The following SORBS2 variants were observed in gnomAD, a reference collection of about 807,000 sequenced individuals.
SORBS2 encodes the protein sorbin and SH3 domain containing 2, also known as sorbin and SH3 domain-containing protein 2.
Under a neutral mutation model 97.7 loss-of-function variants are expected in SORBS2, and 46 were observed. The ratio of observed to expected loss-of-function variants is 0.47; its 90% CI spans 0.37 to 0.60. SORBS2 has a LOEUF of 0.60. Among genes scored for constraint, SORBS2 ranks in the 20% least tolerant of loss-of-function variants. The pLI, the probability that SORBS2 is intolerant of heterozygous loss-of-function variation, is 0.00. For synonymous variants in SORBS2, 476 were observed against 473.4 expected (o/e 1.01, Z -0.07); for missense variants, 1,316 against 1,282.3 (o/e 1.03, Z -0.40).
intron 2 of SORBS2, among the ~76,000 whole-genome samples, chr4:185,719,104 G>A (rs1424764832): frequency 1.3e-5 from 2 of 152,132 alleles, no homozygotes; most frequent in Non-Finnish European, 2.9e-5. Flanking sequence ...CCTGTTCTCT[G>A]TTGTATAAAG....
chr4:185,602,549 C>A (rs550322897), intron 12 of SORBS2, among the ~76,000 whole-genome samples: 2 of 152,312 alleles, frequency 1.3e-5, no homozygotes, highest in South Asian at 4.1e-4. Context: ...ACTGACTTAA[C>A]ATGAGTTAAC....
intron 4 of SORBS2, among the ~76,000 whole-genome samples, chr4:185,665,481 G>C (rs1249783874): frequency 3.3e-5 from 5 of 152,188 alleles, no homozygotes; most frequent in African/African-American, 1.2e-4. Context: ...ACCAGCTACA[G>C]TAACACGGGA....
At chr4:185,651,918 G>T (rs1177054171) in intron 2 of SORBS2, 90 bp from the exon 11 acceptor site, 3 of 731,052 alleles carry the variant, frequency 4.1e-6, no homozygotes, top group African/African-American at 3.6e-5. Context: ...ACAGAAATTT[G>T]TTAGAAAAGC....
At chr4:185,772,740 G>T (rs938155474) in intron 2 of SORBS2, 8 of 152,178 alleles carry the variant, frequency 5.3e-5, no homozygotes, top group African/African-American at 1.9e-4. Flanking sequence ...GGGGGAAAAC[G>T]TGTGCCCTCA....
intron 1 of SORBS2, among the ~76,000 whole-genome samples, chr4:185,909,282 CA>C (rs1343437291): frequency 5.9e-5 from 9 of 152,148 alleles, no homozygotes; most frequent in Non-Finnish European, 1.0e-4. Flanking sequence ...TTAAGTGAAA[CA>C]ACTCAAAACG....
intron 1 of SORBS2, among the ~76,000 whole-genome samples, chr4:185,882,853 G>A (rs974226052): frequency 1.1e-4 from 16 of 152,136 alleles, no homozygotes; most frequent in African/African-American, 3.4e-4. Flanking sequence ...TCTGGAGCTT[G>A]TGGTTATCTA....
chr4:185,624,983 G>A (rs555346929), intron 6 of SORBS2, among the ~76,000 whole-genome samples: 9 of 152,210 alleles, frequency 5.9e-5, no homozygotes, highest in African/African-American at 1.4e-4. Flanking sequence ...CATTTACATC[G>A]AATTAATACT....
chr4:185,607,116 G>T lies in SORBS2; in HGVS notation c.2796+4664C>A. On this transcript the variant is annotated intron_variant, in intron 12 of 14. Transcript: ENST00000418609. This position sits in a 1 kb window ranked among gnomAD's most constrained non-coding sequence, Gnocchi z 5.2. ...GTTCCTCCTTAATTTCCAGGATGGC[G>T]TCCTCTAGGATGGTTGGTTTGGCTT... 1 of 1,059,662 alleles carries T rather than the reference G, an allele frequency of 9.4e-7. No individual in the cohort carries two copies. 65.6% of individuals were successfully genotyped at this position (1,059,662 alleles called of 1,614,324 possible).
chr4:185,787,223 G>A (rs903217101), intron 1 of SORBS2, among the ~76,000 whole-genome samples: 1 of 152,060 alleles, frequency 6.6e-6, no homozygotes, highest in Non-Finnish European at 1.5e-5. Flanking sequence ...AGAATGTACT[G>A]AGTGAATATA....
intron 4 of SORBS2, 38 bp from the exon 8 acceptor site, chr4:185,662,280 A>T: frequency 6.4e-7 from 1 of 1,559,820 alleles, no homozygotes; most frequent in Non-Finnish European, 8.7e-7. Context: ...AAATTAGCAC[A>T]TAGTTCCCTG....
At chr4:185,904,992 T>C (rs1356909943) in intron 1 of SORBS2, among the ~76,000 whole-genome samples, 2 of 151,960 alleles carry the variant, frequency 1.3e-5, no homozygotes, top group Non-Finnish European at 2.9e-5. Context: ...TAGTCCCAGC[T>C]ACTCGGGAAG....
At chr4:185,778,073 A>G (rs1469811196) in intron 1 of SORBS2, among the ~76,000 whole-genome samples, 3 of 152,252 alleles carry the variant, frequency 2.0e-5, no homozygotes, top group Non-Finnish European at 2.9e-5. Flanking sequence ...TATTTTGGAC[A>G]TAGTATGTTA....
At position 185,730,925 on chromosome 4, in the gene SORBS2, T is replaced by G. The variant is rs73873349; in HGVS notation, c.-198+44302A>C. Among the ~76,000 whole-genome samples, 574 of 152,330 alleles carry G rather than the reference T, an allele frequency of 3.8e-3. 4 individuals are homozygous for G. The highest frequency in any genetic ancestry group is 0.013 in the African/African-American group (552 of 41,584). On this transcript the variant is annotated intron_variant, in intron 2 of 20. Coordinates refer to the SORBS2 transcript ENST00000284776. ...TGTACCCAAATTGCATTGTTACTGA[T>G]GAAATAATTTTTTAAAAAACCAATG...
rs71638148 is a variant in SORBS2, at chr4:185,886,568, A to G, written c.-338+69628T>C. Reference sequence around the variant, plus strand: ...AGACTCTGTCTCAAAAAAAAAAAAAAAAAAAGAAAAGAAAAAAAAAAGAAA... The same window carrying G: ...AGACTCTGTCTCAAAAAAAAAAAAAGAAAAAGAAAAGAAAAAAAAAAGAAA... On this transcript the variant is annotated intron_variant, in intron 1 of 20. Transcript: ENST00000284776. Among the ~76,000 whole-genome samples, 1,100 of 146,058 alleles carry G rather than the reference A, an allele frequency of 7.5e-3. 15 individuals carry two copies. Among genetic ancestry groups the G allele is most frequent in the Non-Finnish European group, 0.012 (794 of 65,514 alleles).
intron 12 of SORBS2, among the ~76,000 whole-genome samples, chr4:185,604,631 C>T (rs35418847): frequency 0.068 from 10,422 of 152,222 alleles, 397 homozygotes; most frequent in Middle Eastern, 0.17. Context: ...TTTAAAGTTA[C>T]TAATAACCTT....
At chr4:185,852,630 C>T (rs981825526) in intron 1 of SORBS2, among the ~76,000 whole-genome samples, 6 of 152,108 alleles carry the variant, frequency 3.9e-5, no homozygotes, top group Non-Finnish European at 5.9e-5. Context: ...TTTCCACATT[C>T]GAGTTGCACT....
rs140922081 is a variant in SORBS2 at position 185,851,021 on chromosome 4, C to T, written c.-337-75655G>A. ...TCTCAGACTCAGACTGAGACACCAA[C>T]GGCTTTCCTGGTTCTCCAGCTTGCA... On this transcript the variant is annotated intron_variant, in intron 1 of 20. Transcript: ENST00000284776. 4.1e-4 allele frequency among the ~76,000 whole-genome samples: 63 copies of T among 152,294 alleles called. 1 individual carries two copies. In the East Asian group the frequency reaches 9.5e-3, roughly 23 times the overall value.
At chr4:185,600,377 C>T (rs948401656) in intron 12 of SORBS2, among the ~76,000 whole-genome samples, 14 of 152,178 alleles carry the variant, frequency 9.2e-5, no homozygotes, top group African/African-American at 3.1e-4. Flanking sequence ...CTGGCTCTGT[C>T]GCCCAGGCTG....
intron 1 of SORBS2, among the ~76,000 whole-genome samples, chr4:185,857,675 A>G (rs2099221303): frequency 6.6e-6 from 1 of 152,190 alleles, no homozygotes; most frequent in South Asian, 2.1e-4. Flanking sequence ...GCAAGGAATA[A>G]CCATGGGGAA....
Sources: gnomAD v4.1 joint callset for allele counts (sites outside exome capture counted in the v4.1 genomes callset) on GRCh38, gnomAD v4.1.1 for gene constraint, Gnocchi (gnomAD v3.1) non-coding constraint, MANE v1.5 for transcripts, NCBI Gene and HGNC (gene_info 2026-07-23, HGNC 2026-07-21) for gene names.